The following LRRC4C variants were observed in gnomAD, a reference collection of about 807,000 sequenced individuals.
The protein encoded by LRRC4C is leucine rich repeat containing 4C, also known as leucine-rich repeat-containing protein 4C.
In LRRC4C, 5 loss-of-function variants were observed where a neutral mutation model predicts 33.6. The ratio of observed to expected loss-of-function variants is 0.15; its 90% CI spans 0.08 to 0.31. The LOEUF (loss-of-function observed/expected upper bound fraction) is 0.31, where lower values mean the gene tolerates loss of function less well. LRRC4C is among the 10% of genes least tolerant of loss of function. The pLI, the probability that LRRC4C is intolerant of heterozygous loss-of-function variation, is 1.00. For synonymous variants in LRRC4C, 329 were observed against 302.0 expected (o/e 1.09, Z -0.93); for missense variants, 560 against 796.7 (o/e 0.70, Z 3.58).
At chr11:40,789,026 G>C (rs1312833121) in intron 2 of LRRC4C, among the ~76,000 whole-genome samples, 2 of 146,212 alleles carry the variant, frequency 1.4e-5, no homozygotes, top group African/African-American at 5.0e-5. Context: ...CCGGGAGGCA[G>C]AGCTTGCAGT....
At chr11:41,257,722 G>A (rs895414131) in intron 1 of LRRC4C, among the ~76,000 whole-genome samples, 2 of 152,102 alleles carry the variant, frequency 1.3e-5, no homozygotes, top group South Asian at 2.1e-4. Flanking sequence ...GATGTAGGCC[G>A]ATACTAAAAA....
At chr11:40,716,401 A>T (rs1449093463) in intron 2 of LRRC4C, among the ~76,000 whole-genome samples, 1 of 152,152 alleles carries the variant, frequency 6.6e-6, no homozygotes, top group African/African-American at 2.4e-5. Context: ...ATTGGTAATA[A>T]ATCAGTTTTT....
At chr11:40,363,838 C>A (rs1948079768) in intron 3 of LRRC4C, among the ~76,000 whole-genome samples, 1 of 152,186 alleles carries the variant, frequency 6.6e-6, no homozygotes, top group Admixed American at 6.5e-5. Context: ...AAGCAGCATA[C>A]ATGGACTTGC....
intron 3 of LRRC4C, among the ~76,000 whole-genome samples, chr11:40,381,976 T>TGA: frequency 6.7e-6 from 1 of 148,230 alleles, no homozygotes; most frequent in East Asian, 2.0e-4. Context: ...TTTTTTTTTT[T>TGA]GAGAGAGTCC....
chr11:41,036,700 G>A (rs942384715), intron 1 of LRRC4C, among the ~76,000 whole-genome samples: 1 of 152,096 alleles, frequency 6.6e-6, no homozygotes, highest in Non-Finnish European at 1.5e-5. Flanking sequence ...ATAAAATAAT[G>A]TCAAAGATTT....
At chr11:41,110,255 T>C (rs1941752453) in intron 1 of LRRC4C, among the ~76,000 whole-genome samples, 1 of 152,048 alleles carries the variant, frequency 6.6e-6, no homozygotes, top group Admixed American at 6.6e-5. Context: ...CATAATATTA[T>C]TTACTACATG....
rs890686087 is a variant in LRRC4C at position 40,793,704 on chromosome 11, A to G, written c.-407+139931T>C. Among the ~76,000 whole-genome samples, 8 of 152,274 alleles carry G rather than the reference A, an allele frequency of 5.3e-5. No homozygotes were observed. In the South Asian group the frequency reaches 1.7e-3, roughly 32 times the overall value. On this transcript the variant is annotated intron_variant, in intron 2 of 6. Coordinates refer to ENST00000528697, the MANE Select transcript of LRRC4C (RefSeq NM_001258419.2). ...TCTGGAAAGAGAGTCCATAATTTCA[A>G]CCGGAATGTGTGGCATATATTTAAA...
intron 3 of LRRC4C, among the ~76,000 whole-genome samples, chr11:40,625,945 C>A (rs1476334088): frequency 6.6e-6 from 1 of 152,144 alleles, no homozygotes; most frequent in Admixed American, 6.5e-5. Context: ...GAGCAGCCAA[C>A]ACGATGCTAT....
At chr11:40,700,146 A>T (rs1945796697) in intron 2 of LRRC4C, among the ~76,000 whole-genome samples, 1 of 152,136 alleles carries the variant, frequency 6.6e-6, no homozygotes, top group African/African-American at 2.4e-5. Flanking sequence ...TAACTTAGCT[A>T]AAATGTACAG....
chr11:41,452,202 C>T (rs1327551291), intron 1 of LRRC4C, among the ~76,000 whole-genome samples: 1 of 152,078 alleles, frequency 6.6e-6, no homozygotes, highest in East Asian at 1.9e-4. Context: ...AATGTACACC[C>T]TGCACCATTG....
chr11:41,163,284 G>GTTTTTTTTTGTTTT lies in LRRC4C; in HGVS notation c.-495-229562_-495-229561insAAAACAAAAAAAAA, dbSNP rs1944557837. ...GTAATAAACTTAGTTTACTGTAACTGTTTTTTTTTTTTTTTTTCAAACAGG... is the reference window on the plus strand; with the variant it reads ...GTAATAAACTTAGTTTACTGTAACTGTTTTTTTTTGTTTTTTTTTTTTTTTTTTTTTCAAACAGG... On this transcript the variant is annotated intron_variant, in intron 1 of 6. Transcript: ENST00000528697. Among the ~76,000 whole-genome samples, 7 of 73,382 alleles carry GTTTTTTTTTGTTTT rather than the reference G, an allele frequency of 9.5e-5. 1 individual carries two copies. The highest frequency in any genetic ancestry group is 1.5e-4 in the Non-Finnish European group (6 of 40,822). The allele number at this position is 73,382 out of a possible 152,430, so 48.1% of individuals were successfully genotyped here.
At chr11:40,975,855 A>G (rs1484781992) in intron 1 of LRRC4C, among the ~76,000 whole-genome samples, 1 of 152,214 alleles carries the variant, frequency 6.6e-6, no homozygotes, top group Non-Finnish European at 1.5e-5. Flanking sequence ...ATGTCTTGAT[A>G]CTTCAATACT....
intron 1 of LRRC4C, among the ~76,000 whole-genome samples, chr11:41,302,311 A>G (rs1950309794): frequency 6.6e-6 from 1 of 152,332 alleles, no homozygotes; most frequent in East Asian, 1.9e-4. Flanking sequence ...GGATACATGC[A>G]TTACTCAGAA....
chr11:41,014,514 A>G (rs1176440752), intron 1 of LRRC4C, among the ~76,000 whole-genome samples: 3 of 146,850 alleles, frequency 2.0e-5, no homozygotes, highest in Non-Finnish European at 4.5e-5. Context: ...CTGAGCCAAG[A>G]TTTTTACAGG....
intron 1 of LRRC4C, among the ~76,000 whole-genome samples, chr11:41,338,482 G>T (rs547002322): frequency 4.6e-5 from 7 of 152,188 alleles, no homozygotes; most frequent in African/African-American, 1.7e-4. Context: ...TCAGATGTGG[G>T]AGCTGAACAG....
rs1306753616 is a variant in LRRC4C, at chr11:41,220,263, TTTTC to T, written c.-496+239164_-496+239167del. On this transcript the variant is annotated intron_variant, in intron 1 of 6. Transcript: ENST00000528697. ...TATACCAAAGTGAAAACTATTATTATTTTCTTTCTGTCAATGAGGAAACAAGACA... is the reference window on the plus strand; with the variant it reads ...TATACCAAAGTGAAAACTATTATTATTTTCTGTCAATGAGGAAACAAGACA... Among the ~76,000 whole-genome samples the T allele has an allele frequency of 5.9e-5, 9 of 152,258 alleles. No homozygotes were observed. In the East Asian group the frequency reaches 1.2e-3, roughly 20 times the overall value.
At chr11:40,599,457 G>A (rs1448357158) in intron 3 of LRRC4C, among the ~76,000 whole-genome samples, 1 of 152,006 alleles carries the variant, frequency 6.6e-6, no homozygotes, top group Non-Finnish European at 1.5e-5. Context: ...GAAGAATATG[G>A]CCTTCTTAAG....
intron 1 of LRRC4C, among the ~76,000 whole-genome samples, chr11:41,334,656 C>T (rs1420115761): frequency 6.6e-6 from 1 of 151,882 alleles, no homozygotes; most frequent in African/African-American, 2.4e-5. Flanking sequence ...AAAAGTGAGA[C>T]CCTCTCTCTG....
intron 2 of LRRC4C, among the ~76,000 whole-genome samples, chr11:40,777,764 T>C (rs902756386): frequency 6.6e-6 from 1 of 151,966 alleles, no homozygotes; most frequent in Non-Finnish European, 1.5e-5. Flanking sequence ...CTTGGCTCAC[T>C]GCAAGCTCCG....
Sources: gnomAD v4.1 joint callset for allele counts (sites outside exome capture counted in the v4.1 genomes callset) on GRCh38, gnomAD v4.1.1 for gene constraint, MANE v1.5 for transcripts, NCBI Gene and HGNC (gene_info 2026-07-23, HGNC 2026-07-21) for gene names.